Variants in ITSN1 observed in about 807,000 individuals in gnomAD.
ITSN1 encodes intersectin 1, also known as intersectin-1.
Under a neutral mutation model 239.8 loss-of-function variants are expected in ITSN1, and 58 were observed. The ratio of observed to expected loss-of-function variants is 0.24; its 90% CI spans 0.20 to 0.30. The LOEUF (loss-of-function observed/expected upper bound fraction) is 0.30. ITSN1 is among the 10% of genes least tolerant of loss of function. The probability of loss-of-function intolerance (pLI) is 1.00; values close to 1 mark genes in which losing one functional copy is unlikely to be tolerated. For missense variants in ITSN1, 1,558 were observed against 2,103.3 expected (o/e 0.74, Z 5.07); for synonymous variants, 780 against 770.8 (o/e 1.01, Z -0.20).
At position 33,846,515 on chromosome 21, in the gene ITSN1, G is replaced by A. The variant is rs147549748; in HGVS notation, c.3661+9883G>A. On this transcript the variant is annotated intron_variant, in intron 29 of 39. Transcript: ENST00000381318. ...CACTAATGAACAGCGATGGTACCTT[G>A]CCTTGTGTAGTTGTCTTATTGCAGG... is the stretch of plus-strand genomic sequence containing the variant. Among the ~76,000 whole-genome samples the A allele has an allele frequency of 2.8e-3, 429 of 152,334 alleles. 6 individuals carry two copies. Among genetic ancestry groups the A allele is most frequent in the Non-Finnish European group, 1.6e-3 (110 of 68,028 alleles).
intron 16 of ITSN1, among the ~76,000 whole-genome samples, chr21:33,793,182 GACAA>G (rs949587913): frequency 1.3e-5 from 2 of 152,108 alleles, no homozygotes; most frequent in African/African-American, 4.8e-5. Context: ...ACTTTCTACA[GACAA>G]ACCGTCTACC....
intron 24 of ITSN1, among the ~76,000 whole-genome samples, chr21:33,822,416 G>A (rs1190485163): frequency 6.6e-6 from 1 of 152,120 alleles, no homozygotes; most frequent in East Asian, 1.9e-4. Context: ...TTGGGTAAAT[G>A]GTGATTTTTC....
intron 1 of ITSN1, among the ~76,000 whole-genome samples, chr21:33,665,598 TAC>T (rs1428827211): frequency 1.3e-5 from 2 of 152,154 alleles, no homozygotes; most frequent in Non-Finnish European, 2.9e-5. Context: ...ATTAGATAGA[TAC>T]AGAGTTATAT....
chr21:33,745,065 A>T (rs1444240245), intron 5 of ITSN1, among the ~76,000 whole-genome samples: 2 of 152,148 alleles, frequency 1.3e-5, no homozygotes, highest in Non-Finnish European at 2.9e-5. Context: ...ACTATTTTCA[A>T]CTCCCCATAA....
intron 16 of ITSN1, among the ~76,000 whole-genome samples, chr21:33,785,774 G>A (rs1399266864): frequency 1.3e-5 from 2 of 152,172 alleles, no homozygotes; most frequent in South Asian, 2.1e-4. Flanking sequence ...CCTAATCCAT[G>A]GAAATTGAAG....
intron 1 of ITSN1, among the ~76,000 whole-genome samples, chr21:33,677,934 A>G (rs1169585566): frequency 1.3e-5 from 2 of 152,166 alleles, no homozygotes; most frequent in Non-Finnish European, 2.9e-5. Context: ...TCTTGGTTCC[A>G]CTTTGTCTCT....
chr21:33,842,997 C>T (rs58665975), intron 29 of ITSN1, among the ~76,000 whole-genome samples: 1 of 152,070 alleles, frequency 6.6e-6, no homozygotes, highest in Non-Finnish European at 1.5e-5. Flanking sequence ...GCTTCCCAGG[C>T]CCCACCCAGA....
At chr21:33,861,328 A>G (rs1216580141) in intron 31 of ITSN1, among the ~76,000 whole-genome samples, 6 of 151,930 alleles carry the variant, frequency 3.9e-5, no homozygotes, top group Non-Finnish European at 7.4e-5. Context: ...TAAGGCAGCA[A>G]TCCCTGGAGT....
intron 16 of ITSN1, among the ~76,000 whole-genome samples, chr21:33,788,803 G>A (rs1023570855): frequency 4.6e-5 from 7 of 152,172 alleles, no homozygotes; most frequent in South Asian, 2.1e-4. Context: ...TTAATGCATC[G>A]AGAATGAATA....
chr21:33,818,425 C>G lies in ITSN1; in HGVS notation c.2886C>G (p.Pro962=), dbSNP rs1235072266. The change falls in exon 23 of 40, where the codon CCC becomes CCG. Residue 962 remains proline, a synonymous_variant. Coordinates refer to ENST00000381318, the MANE Select transcript of ITSN1 (RefSeq NM_003024.3). The part of the protein sequence containing the change: ...GEVQGQKGWF[P]KSYVKLISGP... Reference sequence around the variant, plus strand: ...TTCAAGGTCAGAAGGGTTGGTTCCCCAAGTCTTACGTGAAACTCATTTCAG... The same window carrying G: ...TTCAAGGTCAGAAGGGTTGGTTCCCGAAGTCTTACGTGAAACTCATTTCAG... 1.2e-6 allele frequency: 2 copies of G among 1,613,976 alleles called. No individual in the cohort carries two copies. The highest frequency in any genetic ancestry group is 3.3e-5 in the Admixed American group (2 of 60,004).
intron 39 of ITSN1, among the ~76,000 whole-genome samples, chr21:33,887,900 GC>G (rs1188419596): frequency 6.6e-6 from 1 of 151,798 alleles, no homozygotes; most frequent in Non-Finnish European, 1.5e-5. Context: ...GAGCCACTGT[GC>G]CCGGCCACCT....
intron 20 of ITSN1, among the ~76,000 whole-genome samples, chr21:33,810,279 T>A (rs1027426940): frequency 2.6e-5 from 4 of 152,320 alleles, no homozygotes; most frequent in East Asian, 3.9e-4. Flanking sequence ...TCTGTGAAAT[T>A]TTTAAACAGT....
At chr21:33,880,697 C>T (rs1390895761) in intron 34 of ITSN1, among the ~76,000 whole-genome samples, 1 of 152,146 alleles carries the variant, frequency 6.6e-6, no homozygotes, top group African/African-American at 2.4e-5. Flanking sequence ...CACTCCTTCA[C>T]AAATACTCTC....
At chr21:33,714,342 G>A (rs1055186192) in intron 1 of ITSN1, among the ~76,000 whole-genome samples, 2 of 152,148 alleles carry the variant, frequency 1.3e-5, no homozygotes, top group East Asian at 3.9e-4. Context: ...AAGAGATACA[G>A]ATGAAGGAGA....
chr21:33,868,242 C>T, intron 33 of ITSN1, among the ~76,000 whole-genome samples: 1 of 152,262 alleles, frequency 6.6e-6, no homozygotes, highest in African/African-American at 2.4e-5. Flanking sequence ...ACTCAGGAGC[C>T]TAGCTGGCTT....
rs765678311 is a variant in ITSN1, at chr21:33,797,584, G to A, written c.2158G>A (p.Val720Ile). The A allele has an allele frequency of 3.7e-6, 6 of 1,613,904 alleles. No homozygotes were observed. In the Admixed American group the frequency reaches 8.3e-5, roughly 22 times the overall value. ...HQHQEPAKPA[V>I]QAPWSTAEKG... Reference sequence around the variant, plus strand: ...ACACCAAGAACCAGCTAAGCCAGCTGTCCAGGCACCCTGGTCCACTGCAGG... The same window carrying A: ...ACACCAAGAACCAGCTAAGCCAGCTATCCAGGCACCCTGGTCCACTGCAGG... The change falls in exon 18 of 40, where the codon GTC (valine) becomes ATC (isoleucine). Residue 720 changes from valine to isoleucine, a missense_variant. This residue lies in a region of ITSN1 where 982 missense variants were observed against 1,209.9 expected (regional missense o/e 0.81). Coordinates refer to ENST00000381318, the MANE Select transcript of ITSN1 (RefSeq NM_003024.3). The surrounding 1 kb of genome is among the most constrained non-coding windows in gnomAD (Gnocchi z 4.9).
At chr21:33,844,921 C>G (rs2074944856) in intron 29 of ITSN1, among the ~76,000 whole-genome samples, 1 of 152,026 alleles carries the variant, frequency 6.6e-6, no homozygotes, top group African/African-American at 2.4e-5. Context: ...TGTCCGCCTC[C>G]CCTTCCATCC....
chr21:33,772,990 C>G (rs2069287602), intron 12 of ITSN1, among the ~76,000 whole-genome samples: 1 of 149,544 alleles, frequency 6.7e-6, no homozygotes, highest in Non-Finnish European at 1.5e-5. Context: ...TTACATTGTT[C>G]TGCAATCTTC....
intron 26 of ITSN1, among the ~76,000 whole-genome samples, chr21:33,827,222 A>G (rs1039080433): frequency 6.6e-6 from 1 of 152,038 alleles, no homozygotes; most frequent in East Asian, 1.9e-4. Flanking sequence ...CAACAGGGGA[A>G]TCCCGGTCTG....
Sources: allele counts gnomAD v4.1 joint callset (sites outside exome capture counted in the v4.1 genomes callset), GRCh38; gene constraint gnomAD v4.1.1; regional missense constraint gnomAD v4.1.1; non-coding constraint Gnocchi (gnomAD v3.1); transcripts MANE v1.5; gene names NCBI Gene and HGNC (gene_info 2026-07-23, HGNC 2026-07-21).